Variants in PADI3 observed in about 807,000 individuals in gnomAD.
PADI3 encodes the protein protein-arginine deiminase type-3.
PADI3 carries 53 observed loss-of-function variants against 71.5 expected under a neutral mutation model. The ratio of observed to expected loss-of-function variants is 0.74; its 90% CI spans 0.59 to 0.93. PADI3 has a LOEUF of 0.93. Ranked by LOEUF, PADI3 falls within the 40% of genes least tolerant of loss-of-function variation. The pLI, the probability that PADI3 is intolerant of heterozygous loss-of-function variation, is 0.00. For missense variants in PADI3, 821 were observed against 868.0 expected, an observed-to-expected ratio of 0.95 and a Z score of 0.68; for synonymous variants, 361 against 347.5, an observed-to-expected ratio of 1.04 and a Z score of -0.43.
At chr1:17,279,921 T>G (rs1035652769) in intron 13 of PADI3, among the ~76,000 whole-genome samples, 1 of 152,150 alleles carries the variant, frequency 6.6e-6, no homozygotes, top group African/African-American at 2.4e-5. Context: ...GGCTGGATGG[T>G]GTCTGAATCC....
chr1:17,282,964 A>G lies in PADI3; in HGVS notation c.1880A>G (p.His627Arg). The part of the protein sequence containing the change: ...VRSLLEPLGL[H>R]CTFIDDFTPY... ...TCCCTGCTGGAGCCGCTGGGCCTCC[A>G]CTGCACCTTCATTGATGACTTCACT... The change falls in exon 16 of 16, where the codon CAC becomes CGC. Residue 627 changes from histidine to arginine, a missense_variant. His to Arg is a conservative substitution (Grantham distance 29). Transcript: ENST00000375460. 6.2e-7 allele frequency: 1 copy of G among 1,614,192 alleles called. No homozygotes were observed. The highest frequency in any genetic ancestry group is 8.5e-7 in the Non-Finnish European group (1 of 1,180,004).
At chr1:17,271,030 T>G in intron 8 of PADI3, 37 bp from the exon 9 acceptor site, 1 of 1,613,362 alleles carries the variant, frequency 6.2e-7, no homozygotes, top group Non-Finnish European at 8.5e-7. Context: ...AGGCCCCGGC[T>G]CCATCCTGAG....
intron 6 of PADI3, among the ~76,000 whole-genome samples, chr1:17,268,730 A>G (rs564788341): frequency 6.6e-6 from 1 of 151,920 alleles, no homozygotes; most frequent in African/African-American, 2.4e-5. Context: ...GATGGTCTCA[A>G]TCTCCTGACC....
chr1:17,277,395 A>G (rs2100600252), intron 13 of PADI3, among the ~76,000 whole-genome samples: 1 of 152,184 alleles, frequency 6.6e-6, no homozygotes, highest in South Asian at 2.1e-4. Context: ...GGGTTTCTCC[A>G]TGTTGGTCAG....
At chr1:17,262,760 G>C (rs1197388179) in intron 3 of PADI3, among the ~76,000 whole-genome samples, 1 of 152,106 alleles carries the variant, frequency 6.6e-6, no homozygotes, top group African/African-American at 2.4e-5. Context: ...TGAACTTGAA[G>C]ATAAGTGAAT....
chr1:17,266,334 G>A (rs568863268), intron 4 of PADI3, among the ~76,000 whole-genome samples: 1 of 152,310 alleles, frequency 6.6e-6, no homozygotes, highest in South Asian at 2.1e-4. Context: ...CTGGAGGGAC[G>A]TACCCTTGAG....
Position 17,276,527 on chromosome 1 carries a change from G to A in PADI3, c.1316G>A (p.Gly439Asp). The change falls in exon 12 of 16, where the codon GGC becomes GAC. Residue 439 changes from glycine (G) to aspartate (D), a missense_variant. Transcript: ENST00000375460. Reference protein sequence around the residue: ...LIGGNLPGSSGRRVTQVVRDF... With the variant: ...LIGGNLPGSSDRRVTQVVRDF... ...AACCTCGTGGGTCCCAGGTCAAGTG[G>A]CCGCAGGGTCACCCAGGTGGTGCGG... is the stretch of plus-strand genomic sequence containing the variant. 6.2e-7 allele frequency: 1 copy of A among 1,613,970 alleles called. No individual in the cohort carries two copies. The highest frequency in any genetic ancestry group is 8.5e-7 in the Non-Finnish European group (1 of 1,179,990).
In PADI3 at chr1:17,262,206, G is replaced by C. The variant is rs887478648; in HGVS notation, c.346+1G>C. The C allele has an allele frequency of 6.2e-7, 1 of 1,606,490 alleles. No individual in the cohort carries two copies. Among genetic ancestry groups the C allele is most frequent in the African/African-American group, 1.3e-5 (1 of 74,432 alleles). On this transcript the variant is annotated splice_donor_variant, in intron 3 of 15. Transcript: ENST00000375460. LOFTEE classifies it high-confidence loss of function. The stretch of plus-strand genomic sequence containing the variant: ...GCGGTGCTCTACCTCACCTGTGTTG[G>C]TAAGTTGGGGGCCATGTTGATGGTG...
intron 15 of PADI3, among the ~76,000 whole-genome samples, chr1:17,282,396 C>G (rs2100608196): frequency 6.6e-6 from 1 of 152,216 alleles, no homozygotes; most frequent in South Asian, 2.1e-4. Context: ...CTTCTCTGTT[C>G]CTGGGGACAA....
In PADI3 at chr1:17,276,621, T is replaced by C; in HGVS notation, c.1410T>C (p.His470=). 6.2e-7 allele frequency: 1 copy of C among 1,614,148 alleles called. No individual in the cohort carries two copies. The highest frequency in any genetic ancestry group is 1.3e-5 in the African/African-American group (1 of 75,016). ...ELFVDWLAVG[H]VDEFLSFVPA... is the part of the protein sequence containing the mutation. Reference sequence around the variant, plus strand: ...TTGTGGACTGGTTGGCCGTGGGCCATGTGGATGAGTTTCTGAGCTTTGTCC... The same window carrying C: ...TTGTGGACTGGTTGGCCGTGGGCCACGTGGATGAGTTTCTGAGCTTTGTCC... Residue 470 remains histidine, a synonymous_variant, in exon 12 of 16, where the codon CAT becomes CAC. Coordinates refer to ENST00000375460, the MANE Select transcript of PADI3 (RefSeq NM_016233.2).
At chr1:17,249,975 C>T (rs186703160) in intron 1 of PADI3, among the ~76,000 whole-genome samples, 41 of 152,338 alleles carry the variant, frequency 2.7e-4, no homozygotes, top group African/African-American at 8.9e-4. Context: ...ACTCAATGCC[C>T]ATGCATTATG....
chr1:17,250,780 C>A (rs766276795), intron 1 of PADI3, among the ~76,000 whole-genome samples: 1 of 152,234 alleles, frequency 6.6e-6, no homozygotes, highest in South Asian at 2.1e-4. Context: ...CCTGCCCCTG[C>A]TGCCTCGTGC....
chr1:17,259,560 G>T lies in PADI3; in HGVS notation c.93-18G>T, dbSNP rs201025868. ...TATATCTCCTTCGGCACCGACCATG[G>T]CTCTCTGCCCTGCCCAGGTCAGTGC... On this transcript the variant is annotated intron_variant, in intron 1 of 15. Coordinates refer to ENST00000375460, the MANE Select transcript of PADI3 (RefSeq NM_016233.2). 76 of 1,561,714 alleles carry T rather than the reference G, an allele frequency of 4.9e-5. 1 individual carries two copies. In the East Asian group the frequency reaches 1.3e-3, roughly 27 times the overall value.
intron 13 of PADI3, among the ~76,000 whole-genome samples, chr1:17,279,149 G>A (rs1265611198): frequency 2.0e-5 from 3 of 152,148 alleles, no homozygotes; most frequent in Admixed American, 1.3e-4. Flanking sequence ...GAGGGAGCGT[G>A]GGAGAATTCA....
chr1:17,260,194 G>A (rs2073086360), intron 2 of PADI3, among the ~76,000 whole-genome samples: 1 of 152,134 alleles, frequency 6.6e-6, no homozygotes, highest in Non-Finnish European at 1.5e-5. Context: ...GCAGGGACAG[G>A]GGAGGGACAC....
At chr1:17,273,215 A>C in intron 9 of PADI3, 125 bp from the exon 10 acceptor site, 1 of 681,806 alleles carries the variant, frequency 1.5e-6, no homozygotes. Flanking sequence ...TCCGCCTCCA[A>C]GCACAAAACA....
chr1:17,280,375 C>T lies in PADI3; in HGVS notation c.1581C>T (p.Ser527=). 4.3e-6 allele frequency: 7 copies of T among 1,614,098 alleles called. No individual in the cohort carries two copies. The highest frequency in any genetic ancestry group is 5.9e-6 in the Non-Finnish European group (7 of 1,179,910). Residue 527 remains serine, a synonymous_variant, in exon 14 of 16, where the codon TCC becomes TCT. Coordinates refer to ENST00000375460, the MANE Select transcript of PADI3 (RefSeq NM_016233.2). Reference sequence around the variant, plus strand: ...ATGATGAGCAGGTCAAGACCATCTCCATCAACCAGGTGCTCTCCAATAAAG... The same window carrying T: ...ATGATGAGCAGGTCAAGACCATCTCTATCAACCAGGTGCTCTCCAATAAAG... ...VVDDEQVKTI[S]INQVLSNKDL... is the part of the protein sequence containing the mutation.
chr1:17,281,437 T>A (rs891498564), intron 15 of PADI3, among the ~76,000 whole-genome samples: 8 of 27,654 alleles, frequency 2.9e-4, no homozygotes, highest in African/African-American at 6.7e-4. Context: ...TGTAAATCTT[T>A]TTTTCTTTTT....
intron 1 of PADI3, among the ~76,000 whole-genome samples, chr1:17,255,476 G>T (rs1343778513): frequency 6.6e-6 from 1 of 152,242 alleles, no homozygotes; most frequent in East Asian, 1.9e-4. Flanking sequence ...CCAGAAGCCA[G>T]CATGTGACAG....
Sources: allele counts gnomAD v4.1 joint callset (sites outside exome capture counted in the v4.1 genomes callset), GRCh38; gene constraint gnomAD v4.1.1; transcripts MANE v1.5; gene names NCBI Gene and HGNC (gene_info 2026-07-23, HGNC 2026-07-21).